ARHGEF3: variants seen among roughly 807,000 people sequenced by gnomAD.
ARHGEF3 encodes 59.8 kDA protein.
In ARHGEF3, 28 loss-of-function variants were observed where a neutral mutation model predicts 63.2. The ratio of observed to expected loss-of-function variants is 0.44; its 90% CI spans 0.33 to 0.61. The LOEUF is 0.61. Ranked by LOEUF, ARHGEF3 falls within the 20% of genes least tolerant of loss-of-function variation. ARHGEF3 has a pLI of 0.03. For synonymous variants in ARHGEF3, 266 were observed against 254.2 expected, an observed-to-expected ratio of 1.05 and a Z score of -0.44; for missense variants, 533 against 659.3, an observed-to-expected ratio of 0.81 and a Z score of 2.10.
At chr3:57,006,592 T>C (rs1477152482) in intron 2 of ARHGEF3, among the ~76,000 whole-genome samples, 1 of 152,144 alleles carries the variant, frequency 6.6e-6, no homozygotes, top group Admixed American at 6.5e-5. Flanking sequence ...TGGCTCCAGT[T>C]CAGAATCTCA....
chr3:56,924,250 G>T (rs538664872), intron 3 of ARHGEF3, among the ~76,000 whole-genome samples: 27 of 152,302 alleles, frequency 1.8e-4, no homozygotes, highest in Non-Finnish European at 3.4e-4. Context: ...TTGAGAACTA[G>T]TTGCTTCCAA....
intron 8 of ARHGEF3, 53 bp downstream of exon 8, chr3:56,737,132 G>A: frequency 6.7e-7 from 1 of 1,502,398 alleles, no homozygotes; most frequent in Non-Finnish European, 9.0e-7. Context: ...CACACCAAAT[G>A]AATTAGGGAT....
intron 1 of ARHGEF3, among the ~76,000 whole-genome samples, chr3:56,782,373 C>T (rs183139668): frequency 6.6e-6 from 1 of 152,280 alleles, no homozygotes; most frequent in African/African-American, 2.4e-5. Flanking sequence ...CTCTTGTATG[C>T]TTATCAGTGA....
At chr3:56,818,607 T>A (rs770056208) in intron 4 of ARHGEF3, among the ~76,000 whole-genome samples, 6 of 152,178 alleles carry the variant, frequency 3.9e-5, no homozygotes, top group Non-Finnish European at 7.4e-5. Flanking sequence ...ATTGCTTTTG[T>A]TCTCAGCCAC....
chr3:56,803,785 A>G (rs539691314), upstream of ARHGEF3, among the ~76,000 whole-genome samples: 1 of 152,314 alleles, frequency 6.6e-6, no homozygotes, highest in Non-Finnish European at 1.5e-5. Flanking sequence ...CTGGTGACAG[A>G]GTGAGACCCT....
intron 2 of ARHGEF3, among the ~76,000 whole-genome samples, chr3:56,984,293 C>T (rs750386452): frequency 1.3e-5 from 2 of 152,160 alleles, no homozygotes; most frequent in Non-Finnish European, 2.9e-5. Context: ...CAGTAACTCC[C>T]CAAGGGCAGG....
At chr3:56,735,100 A>G (rs2033511819) in intron 8 of ARHGEF3, among the ~76,000 whole-genome samples, 1 of 152,164 alleles carries the variant, frequency 6.6e-6, no homozygotes, top group Non-Finnish European at 1.5e-5. Flanking sequence ...CCTGGCCAAC[A>G]TGGTGAAACC....
chr3:56,916,736 G>C (rs1230722831), intron 3 of ARHGEF3, among the ~76,000 whole-genome samples: 1 of 152,164 alleles, frequency 6.6e-6, no homozygotes, highest in African/African-American at 2.4e-5. Context: ...CCCAAACACT[G>C]GGGTGAAATA....
intron 1 of ARHGEF3, among the ~76,000 whole-genome samples, chr3:56,787,687 C>CA (rs2036889748): frequency 6.6e-6 from 1 of 151,678 alleles, no homozygotes; most frequent in South Asian, 2.1e-4. Context: ...GCCACCCCGA[C>CA]ACTGGCTTCC....
intron 1 of ARHGEF3, among the ~76,000 whole-genome samples, chr3:56,777,973 A>G (rs940126032): frequency 1.3e-5 from 2 of 152,190 alleles, no homozygotes; most frequent in African/African-American, 4.8e-5. Context: ...ATGTTTGGAA[A>G]TTCCAGGAAA....
At chr3:56,953,278 T>C (rs1056561589) in intron 3 of ARHGEF3, among the ~76,000 whole-genome samples, 2 of 152,218 alleles carry the variant, frequency 1.3e-5, no homozygotes, top group Non-Finnish European at 2.9e-5. Context: ...TCAGAGCAAC[T>C]CTCCATCTGA....
chr3:56,787,502 G>A (rs1382518526), intron 1 of ARHGEF3, among the ~76,000 whole-genome samples: 3 of 152,052 alleles, frequency 2.0e-5, no homozygotes, highest in African/African-American at 7.2e-5. Flanking sequence ...GGCACTGAGA[G>A]CCATGGAGTC....
At chr3:56,970,740 CAGA>C (rs1310221362) in intron 2 of ARHGEF3, among the ~76,000 whole-genome samples, 3 of 152,344 alleles carry the variant, frequency 2.0e-5, no homozygotes, top group East Asian at 1.9e-4. Flanking sequence ...TGCAATCTCC[CAGA>C]AGGAGAACTG....
At chr3:57,029,303 G>T (rs1206038052) in intron 2 of ARHGEF3, among the ~76,000 whole-genome samples, 1 of 152,122 alleles carries the variant, frequency 6.6e-6, no homozygotes, top group Non-Finnish European at 1.5e-5. Flanking sequence ...GGTGGCACAT[G>T]CCTGTAATCA....
chr3:56,799,449 A>T (rs1391396347), intron 1 of ARHGEF3, among the ~76,000 whole-genome samples: 1 of 152,188 alleles, frequency 6.6e-6, no homozygotes, highest in Non-Finnish European at 1.5e-5. Flanking sequence ...CTCTGGATAG[A>T]TCTATTTTTC....
At chr3:56,938,844 G>C (rs1348415739) in intron 3 of ARHGEF3, 1 of 152,202 alleles carries the variant, frequency 6.6e-6, no homozygotes, top group African/African-American at 2.4e-5. Context: ...TTCAACTCCA[G>C]TCCTTGTAGA....
intron 4 of ARHGEF3, 22 bp from the exon 5 acceptor site, chr3:56,751,418 T>C (rs1430346546): frequency 6.3e-7 from 1 of 1,579,612 alleles, no homozygotes; most frequent in Non-Finnish European, 8.7e-7. Flanking sequence ...CGGCAAGAGA[T>C]GGAAGCACAT....
At chr3:56,797,997 G>T (rs532992635) in intron 1 of ARHGEF3, among the ~76,000 whole-genome samples, 1 of 152,254 alleles carries the variant, frequency 6.6e-6, no homozygotes, top group South Asian at 2.1e-4. Flanking sequence ...TCTGCAAATC[G>T]CTTCCCCTCA....
intron 3 of ARHGEF3, among the ~76,000 whole-genome samples, chr3:56,907,719 A>G (rs1244408722): frequency 1.3e-5 from 2 of 152,224 alleles, no homozygotes; most frequent in African/African-American, 4.8e-5. Context: ...TTTTGCAGGA[A>G]CATGGATGAA....
Sources: allele counts gnomAD v4.1 joint callset (sites outside exome capture counted in the v4.1 genomes callset), GRCh38; gene constraint gnomAD v4.1.1; transcripts MANE v1.5; gene names NCBI Gene and HGNC (gene_info 2026-07-23, HGNC 2026-07-21).